TIPARP: variants seen among roughly 807,000 people sequenced by gnomAD.
TIPARP encodes the protein TCDD inducible poly(ADP-ribose) polymerase.
A neutral mutation model predicts 56.5 loss-of-function variants in TIPARP; 12 were observed. The observed-to-expected ratio is 0.21, with a 90% CI of 0.14 to 0.34. The LOEUF (loss-of-function observed/expected upper bound fraction) is 0.34. TIPARP is among the 10% of genes least tolerant of loss of function. The pLI is 1.00. For missense variants in TIPARP, 604 were observed against 781.6 expected (o/e 0.77, Z 2.71); for synonymous variants, 296 against 265.7 (o/e 1.11, Z -1.11).
intron 2 of TIPARP, among the ~76,000 whole-genome samples, chr3:156,690,469 A>G (rs1002435974): frequency 6.6e-6 from 1 of 152,134 alleles, no homozygotes; most frequent in African/African-American, 2.4e-5. Flanking sequence ...TAAGAGGAGA[A>G]CCATTGTTAT....
At chr3:156,701,271 G>A (rs957349058) in intron 4 of TIPARP, among the ~76,000 whole-genome samples, 1 of 152,202 alleles carries the variant, frequency 6.6e-6, no homozygotes, top group Non-Finnish European at 1.5e-5. Flanking sequence ...AGCTATATTT[G>A]AAGTTTGCAT....
intron 2 of TIPARP, among the ~76,000 whole-genome samples, chr3:156,680,091 A>T (rs1250330982): frequency 6.6e-6 from 1 of 152,166 alleles, no homozygotes; most frequent in Non-Finnish European, 1.5e-5. Context: ...CTTGTGTTTC[A>T]AAAGGGAAGT....
intron 1 of TIPARP, chr3:156,675,876 G>A (rs1194310544): frequency 1.3e-5 from 2 of 152,242 alleles, no homozygotes; most frequent in African/African-American, 4.8e-5. Context: ...GAGGAGCTAG[G>A]TTCTAGTGGC....
intron 4 of TIPARP, among the ~76,000 whole-genome samples, chr3:156,697,441 A>G (rs911050821): frequency 9.5e-6 from 1 of 105,374 alleles, no homozygotes; most frequent in Non-Finnish European, 2.0e-5. Context: ...TTTTTTTTGA[A>G]GCTTAGGCTT....
At chr3:156,684,196 A>G (rs1722372737) in intron 2 of TIPARP, among the ~76,000 whole-genome samples, 1 of 152,212 alleles carries the variant, frequency 6.6e-6, no homozygotes, top group African/African-American at 2.4e-5. Context: ...TAAAAGTAGG[A>G]GAGTTTCTCT....
rs150170944 is a variant in TIPARP at position 156,704,734 on chromosome 3, A to G, written c.1577A>G (p.Asn526Ser). Residue 526 changes from asparagine to serine, a missense_variant, in exon 6 of 6, where the codon AAT becomes AGT. Around this residue, in one of 4 missense-constraint regions of TIPARP, gnomAD observed 77 missense variants for 161.0 expected, o/e 0.48. Coordinates refer to ENST00000295924, the MANE Select transcript of TIPARP (RefSeq NM_015508.5). The stretch of plus-strand genomic sequence containing the variant: ...ATGTTTGGCCGTGACAGGATAATAA[A>G]TGAGAGACATTTATTTCATGGAACA... Reference protein sequence around the residue: ...RKMFGRDRIINERHLFHGTSQ... With the variant: ...RKMFGRDRIISERHLFHGTSQ... The G allele has an allele frequency of 3.7e-6, 6 of 1,614,118 alleles. No individual in the cohort carries two copies. Among genetic ancestry groups the G allele is most frequent in the Non-Finnish European group, 5.1e-6 (6 of 1,180,032 alleles).
At chr3:156,691,528 C>T (rs1056059186) in intron 2 of TIPARP, among the ~76,000 whole-genome samples, 1 of 152,076 alleles carries the variant, frequency 6.6e-6, no homozygotes, top group Non-Finnish European at 1.5e-5. Flanking sequence ...CCCACCATCA[C>T]GATTATCATA....
At chr3:156,691,275 A>G in intron 2 of TIPARP, among the ~76,000 whole-genome samples, 1 of 152,198 alleles carries the variant, frequency 6.6e-6, no homozygotes, top group Non-Finnish European at 1.5e-5. Context: ...TTGGATTGAT[A>G]AAGTAAAACC....
At chr3:156,704,626 C>T (rs1722935110) in intron 5 of TIPARP, 58 bp from the exon 6 acceptor site, 4 of 1,524,368 alleles carry the variant, frequency 2.6e-6, no homozygotes, top group Non-Finnish European at 1.8e-6. Flanking sequence ...CTACATCATG[C>T]CTGTTAAATT....
Position 156,704,717 on chromosome 3 carries a change from C to T in TIPARP, c.1560C>T (p.Gly520=), listed in dbSNP as rs1207661440. ...KKEYMNRKMF[G]RDRIINERHL... ...AATATATGAACAGGAAAATGTTTGG[C>T]CGTGACAGGATAATAAATGAGAGAC... is the stretch of plus-strand genomic sequence containing the variant. The change falls in exon 6 of 6, where the codon GGC becomes GGT. Residue 520 remains glycine, a synonymous_variant. Coordinates refer to ENST00000295924, the MANE Select transcript of TIPARP (RefSeq NM_015508.5). 2 of 1,613,896 alleles carry T rather than the reference C, an allele frequency of 1.2e-6. No homozygotes were observed. The highest frequency in any genetic ancestry group is 1.7e-6 in the Non-Finnish European group (2 of 1,179,880).
chr3:156,682,779 C>T (rs1722338969), intron 2 of TIPARP, among the ~76,000 whole-genome samples: 1 of 152,216 alleles, frequency 6.6e-6, no homozygotes, highest in Non-Finnish European at 1.5e-5. Context: ...TGAATATACA[C>T]AGCTGGATGA....
rs1722962491 is a variant in TIPARP, at chr3:156,705,707, TTCTGCAGAGTTTGCCCCA to T, written c.*577_*594del. ...ACCAGAGAACATCAGTGACTTTAAC[TTCTGCAGAGTTTGCCCCA>T]GAATTCAGAGTTCTATTTAGAGGAA... On this transcript the variant is annotated 3_prime_UTR_variant, in exon 6 of 6. Transcript: ENST00000295924. The T allele has an allele frequency of 1.3e-5, 2 of 152,670 alleles. No homozygotes were observed. Among genetic ancestry groups the T allele is most frequent in the African/African-American group, 4.8e-5 (2 of 41,468 alleles). The allele number at this position is 152,670 out of a possible 1,614,324, so 9.5% of individuals were successfully genotyped here.
chr3:156,691,552 T>C (rs1722574721), intron 2 of TIPARP, among the ~76,000 whole-genome samples: 1 of 152,116 alleles, frequency 6.6e-6, no homozygotes. Context: ...AGATGACTCA[T>C]AATTGCTTTC....
intron 3 of TIPARP, among the ~76,000 whole-genome samples, chr3:156,694,933 G>T (rs1345284499): frequency 6.6e-6 from 1 of 152,062 alleles, no homozygotes; most frequent in Admixed American, 6.6e-5. Flanking sequence ...AATAGCAAAA[G>T]AAAAAAACCT....
chr3:156,694,230 T>C lies in TIPARP; in HGVS notation c.1086+42T>C, dbSNP rs773804457. 87 of 1,527,188 alleles carry C rather than the reference T, an allele frequency of 5.7e-5. 1 individual carries two copies. The highest frequency in any genetic ancestry group is 1.8e-4 in the Middle Eastern group (1 of 5,692). The allele number at this position is 1,527,188 out of a possible 1,614,324, so 94.6% of individuals were successfully genotyped here. On this transcript the variant is annotated intron_variant, in intron 3 of 5. Transcript: ENST00000295924. ...TGTTGACAAGTACATTTTTCAAATT[T>C]ATTTTTTTCTTCCTGTATTCTTTTA... is the stretch of plus-strand genomic sequence containing the variant.
At chr3:156,701,811 C>T (rs1288335925) in intron 4 of TIPARP, among the ~76,000 whole-genome samples, 2 of 152,160 alleles carry the variant, frequency 1.3e-5, no homozygotes, top group African/African-American at 4.8e-5. Context: ...CTTTAAATCT[C>T]CCCCTGTACT....
At chr3:156,692,149 G>C (rs914949293) in intron 2 of TIPARP, among the ~76,000 whole-genome samples, 2 of 152,084 alleles carry the variant, frequency 1.3e-5, no homozygotes, top group African/African-American at 2.4e-5. Context: ...TCATAATTGG[G>C]AACAGTTGCT....
At chr3:156,687,392 T>A (rs748149992) in intron 2 of TIPARP, among the ~76,000 whole-genome samples, 4 of 152,212 alleles carry the variant, frequency 2.6e-5, no homozygotes, top group African/African-American at 4.8e-5. Context: ...CACATTTTAT[T>A]GGAAAGTGTT....
chr3:156,699,604 G>T (rs1190245389), intron 4 of TIPARP, among the ~76,000 whole-genome samples: 1 of 151,992 alleles, frequency 6.6e-6, no homozygotes, highest in Non-Finnish European at 1.5e-5. Context: ...ACTTTTATAT[G>T]CACTGGGATA....
Sources: gnomAD v4.1 joint callset for allele counts (sites outside exome capture counted in the v4.1 genomes callset) on GRCh38, gnomAD v4.1.1 for gene constraint, gnomAD v4.1.1 regional missense constraint, MANE v1.5 for transcripts, NCBI Gene and HGNC (gene_info 2026-07-23, HGNC 2026-07-21) for gene names.